RPE: variants seen among roughly 807,000 people sequenced by gnomAD.
RPE encodes the protein ribulose-5-phosphate-3-epimerase.
RPE carries 16 observed loss-of-function variants against 24.6 expected under a neutral mutation model. The observed-to-expected ratio is 0.65, with a 90% CI of 0.44 to 0.99. The LOEUF (loss-of-function observed/expected upper bound fraction) is 0.99, where lower values mean the gene tolerates loss of function less well. Ranked by LOEUF, RPE falls within the 50% of genes least tolerant of loss-of-function variation. RPE has a pLI of 0.00. For missense variants in RPE, 240 were observed against 294.5 expected, an observed-to-expected ratio of 0.81 and a Z score of 1.35; for synonymous variants, 93 against 98.4, an observed-to-expected ratio of 0.94 and a Z score of 0.33.
At chr2:210,005,469 GA>G (rs952118728) in intron 1 of RPE, among the ~76,000 whole-genome samples, 9 of 151,894 alleles carry the variant, frequency 5.9e-5, no homozygotes, top group Admixed American at 3.3e-4. Flanking sequence ...TTCTCTGGGG[GA>G]AAAAAACCCT....
chr2:210,018,446 A>G (rs1401875424), intron 5 of RPE: 2 of 983,558 alleles, frequency 2.0e-6, no homozygotes, highest in Non-Finnish European at 2.4e-6. Context: ...GCTCCTGAGG[A>G]TGCCAGCCCT....
chr2:210,006,668 A>C (rs2093635090), intron 1 of RPE, among the ~76,000 whole-genome samples: 1 of 152,256 alleles, frequency 6.6e-6, no homozygotes, highest in Non-Finnish European at 1.5e-5. Flanking sequence ...CAGACTACAC[A>C]GCAAATTAAA....
chr2:210,003,491 A>C, intron 1 of RPE: 1 of 1,273,782 alleles, frequency 7.9e-7, no homozygotes, highest in Non-Finnish European at 1.0e-6. Context: ...TAAGCACCGT[A>C]GTTACAGCAC....
At chr2:210,017,398 T>C in intron 4 of RPE, 75 bp from the exon 5 acceptor site, 1 of 1,221,132 alleles carries the variant, frequency 8.2e-7, no homozygotes, top group East Asian at 2.4e-5. Flanking sequence ...ATTTTTTTGT[T>C]TGATTGTCCC....
chr2:210,003,448 C>T (rs1256397470), intron 1 of RPE: 1 of 1,288,024 alleles, frequency 7.8e-7, no homozygotes, highest in East Asian at 5.6e-5. Context: ...GCACCCTGCT[C>T]TTCAGGGAGG....
chr2:210,005,819 T>C lies in RPE; in HGVS notation c.122+3036T>C, dbSNP rs2093623803. ...ACTCTCAGCAGCATTGAGTTTGTGA[T>C]TCCTGATTCACAGGAAGATTGTGTT... is the stretch of plus-strand genomic sequence containing the variant. On this transcript the variant is annotated intron_variant, in intron 1 of 5. Transcript: ENST00000359429. 2.0e-5 allele frequency among the ~76,000 whole-genome samples: 3 copies of C among 152,314 alleles called. No homozygotes were observed. The East Asian group carries it at 5.8e-4, about 29-fold the overall frequency.
chr2:210,019,064 T>G (rs1459314105), intron 5 of RPE, among the ~76,000 whole-genome samples: 1 of 152,154 alleles, frequency 6.6e-6, no homozygotes, highest in Non-Finnish European at 1.5e-5. Context: ...TTGGACCCAA[T>G]TTTTTAGCTT....
chr2:210,008,292 GTT>G lies in RPE; in HGVS notation c.123-1345_123-1344del, dbSNP rs35113335. Among the ~76,000 whole-genome samples, 39 of 128,858 alleles carry G rather than the reference GTT, an allele frequency of 3.0e-4. 1 individual carries two copies. Among genetic ancestry groups the G allele is most frequent in the African/African-American group, 9.6e-4 (32 of 33,464 alleles). The allele number at this position is 128,858 out of a possible 152,430, so 84.5% of individuals were successfully genotyped here. The stretch of plus-strand genomic sequence containing the variant: ...TAGGGGATTTTTTTTGTTTGTTTTT[GTT>G]TTTTTTTTTTTTTTTTTTTGAGATG... On this transcript the variant is annotated intron_variant, in intron 1 of 5. Transcript: ENST00000359429.
At chr2:210,007,896 C>G (rs1428794334) in intron 1 of RPE, among the ~76,000 whole-genome samples, 1 of 152,210 alleles carries the variant, frequency 6.6e-6, no homozygotes, top group African/African-American at 2.4e-5. Context: ...CATTCTGTGG[C>G]TCTTCCATTC....
intron 1 of RPE, 124 bp from the exon 2 acceptor site, chr2:210,009,533 T>G: frequency 7.8e-7 from 1 of 1,281,892 alleles, no homozygotes; most frequent in South Asian, 1.2e-5. Context: ...TTAATACTGA[T>G]GATTAAGTAT....
At chr2:210,009,298 A>T (rs529461263) in intron 1 of RPE, among the ~76,000 whole-genome samples, 1 of 152,220 alleles carries the variant, frequency 6.6e-6, no homozygotes, top group Admixed American at 6.5e-5. Flanking sequence ...ATAGACTAGG[A>T]TTCAGGAGAT....
At chr2:210,018,231 A>AT (rs768311378) in intron 5 of RPE, 1 of 1,529,386 alleles carries the variant, frequency 6.5e-7, no homozygotes, top group Non-Finnish European at 8.7e-7. Flanking sequence ...GGTACTACCA[A>AT]GGGGGGAAAA....
chr2:210,017,586 G>T (rs1289034639), intron 5 of RPE, 27 bp downstream of exon 5: 6 of 1,602,308 alleles, frequency 3.7e-6, no homozygotes, highest in Non-Finnish European at 4.3e-6. Flanking sequence ...ACTATGACTA[G>T]ACCAATTTCC....
At chr2:210,006,266 T>G (rs1575294557) in intron 1 of RPE, among the ~76,000 whole-genome samples, 2 of 152,174 alleles carry the variant, frequency 1.3e-5, no homozygotes, top group South Asian at 4.1e-4. Context: ...CCGGTCCTCT[T>G]TGGAGTCAGT....
rs1398036698 is a variant in RPE at position 210,019,804 on chromosome 2, C to G, written c.*13C>G. ...TCTTGATCGGTGAAACCATAAGGAG[C>G]CCAGTGTTCCTGTTCATGAAATCTC... On this transcript the variant is annotated 3_prime_UTR_variant, in exon 6 of 6. Coordinates refer to ENST00000359429, the MANE Select transcript of RPE (RefSeq NM_199229.3). 2 of 1,607,178 alleles carry G rather than the reference C, an allele frequency of 1.2e-6. No individual in the cohort carries two copies. Among genetic ancestry groups the G allele is most frequent in the Non-Finnish European group, 1.7e-6 (2 of 1,176,736 alleles).
rs1553637945 is a variant in RPE at position 210,022,119 on chromosome 2, C to CAAAG, written c.*2330_*2333dup. On this transcript the variant is annotated 3_prime_UTR_variant, in exon 6 of 6. Coordinates refer to ENST00000359429, the MANE Select transcript of RPE (RefSeq NM_199229.3). ...ATTGGTAAAACTCAAATTGAGTTTTCAAAGATGTGATAGTATTAAAGTGCA... is the reference window on the plus strand; with the variant it reads ...ATTGGTAAAACTCAAATTGAGTTTTCAAAGAAAGATGTGATAGTATTAAAGTGCA... The CAAAG allele has an allele frequency of 3.4e-5, 5 of 148,870 alleles. No homozygotes were observed. The highest frequency in any genetic ancestry group is 9.9e-5 in the African/African-American group (4 of 40,234). 9.2% of individuals were successfully genotyped at this position (148,870 alleles called of 1,614,324 possible). A position where few individuals can be genotyped will look rare whatever the true frequency, so the allele number is the denominator to read the frequency against.
intron 5 of RPE, 102 bp downstream of exon 5, chr2:210,017,661 A>C (rs1202216355): frequency 1.8e-6 from 2 of 1,093,724 alleles, no homozygotes; most frequent in Non-Finnish European, 2.7e-6. Flanking sequence ...TCCTAAGTTG[A>C]CTTTCTTTCT....
At position 210,022,029 on chromosome 2, in the gene RPE, C is replaced by CTGA. The variant is rs772963059; in HGVS notation, c.*2240_*2242dup. On this transcript the variant is annotated 3_prime_UTR_variant, in exon 6 of 6. Transcript: ENST00000359429. ...TTTTTTTTTTTTTTCAAATTTTATA[C>CTGA]TGATAGGGCTTTACTGTTTGTGGCT... 1 of 141,842 alleles carries CTGA rather than the reference C, an allele frequency of 7.1e-6. No individual in the cohort carries two copies. Among genetic ancestry groups the CTGA allele is most frequent in the African/African-American group, 2.8e-5 (1 of 35,994 alleles). The allele number at this position is 141,842 out of a possible 1,614,324, so 8.8% of individuals were successfully genotyped here.
At chr2:210,015,431 C>T (rs1469301027) in intron 2 of RPE, among the ~76,000 whole-genome samples, 1 of 152,176 alleles carries the variant, frequency 6.6e-6, no homozygotes, top group African/African-American at 2.4e-5. Flanking sequence ...GGCACACCAG[C>T]CATATTAACT....
Sources: allele counts gnomAD v4.1 joint callset (sites outside exome capture counted in the v4.1 genomes callset), GRCh38; gene constraint gnomAD v4.1.1; transcripts MANE v1.5; gene names NCBI Gene and HGNC (gene_info 2026-07-23, HGNC 2026-07-21).